The following RAD51B variants were observed in gnomAD, a reference collection of about 807,000 sequenced individuals.
The protein encoded by RAD51B is DNA repair protein RAD51 homolog 2.
A neutral mutation model predicts 42.2 loss-of-function variants in RAD51B; 38 were observed. The ratio of observed to expected loss-of-function variants is 0.90; its 90% CI spans 0.70 to 1.18. The LOEUF is 1.18. Among genes scored for constraint, RAD51B ranks in the 50% most tolerant of loss-of-function variants. RAD51B has a pLI of 0.00. For missense variants in RAD51B, 373 were observed against 400.7 expected (o/e 0.93, Z 0.59); for synonymous variants, 154 against 145.2 (o/e 1.06, Z -0.43).
At chr14:68,668,564 C>A (rs1176854616) in intron 11 of RAD51B, among the ~76,000 whole-genome samples, 3 of 152,244 alleles carry the variant, frequency 2.0e-5, no homozygotes, top group African/African-American at 7.2e-5. Context: ...TGGCAGCAAT[C>A]TTGAAGCCAC....
intron 7 of RAD51B, chr14:68,236,535 C>G (rs957359154): frequency 2.6e-5 from 4 of 152,260 alleles, no homozygotes; most frequent in Admixed American, 2.6e-4. Flanking sequence ...ACCACCATGC[C>G]TGGTGAGATT....
At chr14:67,953,679 T>C (rs1459651827) in intron 7 of RAD51B, among the ~76,000 whole-genome samples, 1 of 152,136 alleles carries the variant, frequency 6.6e-6, no homozygotes, top group East Asian at 1.9e-4. Flanking sequence ...AAAAGAAAAG[T>C]GAAGCATCTG....
chr14:68,338,642 A>C, intron 8 of RAD51B: 1 of 316,518 alleles, frequency 3.2e-6, no homozygotes, highest in South Asian at 2.8e-5. Context: ...GTGTATCTTT[A>C]TGCTTGCCAT....
At chr14:67,822,268 C>G (rs933032845) in intron 1 of RAD51B, 11 of 152,144 alleles carry the variant, frequency 7.2e-5, no homozygotes, top group African/African-American at 2.7e-4. Context: ...AAGAGACTCA[C>G]AGTAATTCTT....
intron 8 of RAD51B, chr14:68,338,748 A>G: frequency 2.3e-6 from 1 of 440,896 alleles, no homozygotes; most frequent in East Asian, 5.0e-5. Flanking sequence ...TCAGTGGCAA[A>G]GTTCTTTAAC....
chr14:68,633,376 T>G lies in RAD51B; in HGVS notation c.1037-17405T>G, dbSNP rs1412584892. ...TCGGATGCATATTTTTTATGTGATT[T>G]CTTAAAATTCAAGCAGGAGAATACG... On this transcript the variant is annotated intron_variant, in intron 10 of 11. Coordinates refer to the RAD51B transcript ENST00000488612. Among the ~76,000 whole-genome samples, 3 of 152,198 alleles carry G rather than the reference T, an allele frequency of 2.0e-5. No individual in the cohort carries two copies. The East Asian group carries it at 5.8e-4, about 30-fold the overall frequency.
intron 7 of RAD51B, among the ~76,000 whole-genome samples, chr14:67,901,052 A>G (rs1183530425): frequency 6.6e-6 from 1 of 152,154 alleles, no homozygotes; most frequent in Non-Finnish European, 1.5e-5. Flanking sequence ...TAGCAAAGAG[A>G]GGGGACCTGA....
intron 10 of RAD51B, among the ~76,000 whole-genome samples, chr14:68,581,746 G>A (rs1292691994): frequency 6.6e-6 from 1 of 152,170 alleles, no homozygotes; most frequent in Admixed American, 6.5e-5. Flanking sequence ...CACGCTACCT[G>A]ACTTCAAACT....
intron 10 of RAD51B, among the ~76,000 whole-genome samples, chr14:68,488,608 A>G (rs1463544052): frequency 6.6e-6 from 1 of 152,142 alleles, no homozygotes; most frequent in African/African-American, 2.4e-5. Context: ...GAATCCTGCC[A>G]TGTCAGTTTA....
chr14:68,592,257 G>A (rs1276454854), intron 10 of RAD51B, among the ~76,000 whole-genome samples: 1 of 103,544 alleles, frequency 9.7e-6, no homozygotes, highest in South Asian at 2.4e-4. Flanking sequence ...GCAATGATGT[G>A]TGTGTGTGTG....
chr14:68,611,620 T>C (rs568229852), downstream of RAD51B: 4 of 359,524 alleles, frequency 1.1e-5, no homozygotes, highest in African/African-American at 8.1e-5. Context: ...TTTGTAGAAG[T>C]TGAATAGGAC....
At chr14:68,567,291 C>T (rs1889471492) in intron 10 of RAD51B, among the ~76,000 whole-genome samples, 1 of 150,860 alleles carries the variant, frequency 6.6e-6, no homozygotes, top group Non-Finnish European at 1.5e-5. Flanking sequence ...CAGAGTAAGA[C>T]TCTGTCTCAG....
intron 7 of RAD51B, among the ~76,000 whole-genome samples, chr14:68,247,368 A>G (rs2080521424): frequency 1.3e-5 from 2 of 152,206 alleles, no homozygotes; most frequent in African/African-American, 4.8e-5. Context: ...CAGAACAACA[A>G]CTTGTCATCA....
At chr14:68,101,626 C>T (rs534575137) in intron 7 of RAD51B, among the ~76,000 whole-genome samples, 1 of 152,362 alleles carries the variant, frequency 6.6e-6, no homozygotes, top group Admixed American at 6.5e-5. Context: ...AGGTGGGCTT[C>T]CATGGCCTTG....
At chr14:67,839,062 T>C (rs1207853665) in intron 4 of RAD51B, among the ~76,000 whole-genome samples, 1 of 152,178 alleles carries the variant, frequency 6.6e-6, no homozygotes, top group African/African-American at 2.4e-5. Context: ...TGATATATTA[T>C]CTTTTTTTAT....
chr14:67,865,241 C>CT (rs1269999800), intron 5 of RAD51B, 102 bp downstream of exon 5: 97,691 of 859,052 alleles, frequency 0.11, 23 homozygotes, highest in Middle Eastern at 0.13. Context: ...TCCCCCTTGC[C>CT]TTTTTTTTTT....
At chr14:68,572,269 G>C (rs1889745840) in intron 10 of RAD51B, among the ~76,000 whole-genome samples, 1 of 152,224 alleles carries the variant, frequency 6.6e-6, no homozygotes. Flanking sequence ...CCCACGGTGG[G>C]CTTCAGTCTC....
intron 9 of RAD51B, among the ~76,000 whole-genome samples, chr14:68,465,145 T>C (rs1188403617): frequency 6.6e-6 from 1 of 152,222 alleles, no homozygotes; most frequent in African/African-American, 2.4e-5. Context: ...AGCATGATAC[T>C]TTATTTATTG....
intron 7 of RAD51B, among the ~76,000 whole-genome samples, chr14:68,282,912 T>C (rs1003260695): frequency 6.6e-6 from 1 of 152,168 alleles, no homozygotes; most frequent in Non-Finnish European, 1.5e-5. Context: ...CCGAGACTCC[T>C]CTGCTTCAAC....
Sources: gnomAD v4.1 joint callset for allele counts (sites outside exome capture counted in the v4.1 genomes callset) on GRCh38, gnomAD v4.1.1 for gene constraint, MANE v1.5 for transcripts, NCBI Gene and HGNC (gene_info 2026-07-23, HGNC 2026-07-21) for gene names.